Variants in TSPAN8 observed in about 807,000 individuals in gnomAD.
The protein encoded by TSPAN8 is tetraspanin-8.
A neutral mutation model predicts 32.8 loss-of-function variants in TSPAN8; 21 were observed. That is an observed-to-expected ratio of 0.64 (90% CI 0.45 to 0.92). TSPAN8 has a LOEUF of 0.92. Ranked by LOEUF, TSPAN8 falls within the 40% of genes least tolerant of loss-of-function variation. TSPAN8 has a pLI of 0.00. For missense variants in TSPAN8, 269 were observed against 281.9 expected (o/e 0.95, Z 0.33); for synonymous variants, 95 against 94.6 (o/e 1.00, Z -0.03).
intron 2 of TSPAN8, among the ~76,000 whole-genome samples, chr12:71,151,965 T>C (rs1469050669): frequency 1.3e-5 from 2 of 152,222 alleles, no homozygotes; most frequent in African/African-American, 4.8e-5. Context: ...TATTTACCAT[T>C]TGAAAGCCCA....
chr12:71,157,498 A>C, intron 2 of TSPAN8, 121 bp downstream of exon 2: 1 of 690,006 alleles, frequency 1.4e-6, no homozygotes, highest in South Asian at 2.2e-5. Context: ...AAACAAGTAC[A>C]TGGAAAATAC....
chr12:71,156,257 A>AAAAAAAAAAAAAAAAT, intron 2 of TSPAN8, among the ~76,000 whole-genome samples: 1 of 104,364 alleles, frequency 9.6e-6, no homozygotes, highest in Non-Finnish European at 2.0e-5. Context: ...CTCCAAAAAA[A>AAAAAAAAAAAAAAAAT]AAAAAAAAAA....
intron 2 of TSPAN8, among the ~76,000 whole-genome samples, chr12:71,155,555 C>G (rs1872398961): frequency 6.6e-6 from 1 of 152,100 alleles, no homozygotes; most frequent in South Asian, 2.1e-4. Context: ...ATTAACCAAC[C>G]ACACAGTGTG....
intron 6 of TSPAN8, among the ~76,000 whole-genome samples, chr12:71,135,834 C>T (rs1227656827): frequency 6.6e-6 from 1 of 152,086 alleles, no homozygotes; most frequent in Non-Finnish European, 1.5e-5. Flanking sequence ...GATGCTCAGC[C>T]CCACCCAGCA....
chr12:71,140,475 T>C (rs1871867422), intron 3 of TSPAN8, among the ~76,000 whole-genome samples: 1 of 152,196 alleles, frequency 6.6e-6, no homozygotes, highest in Non-Finnish European at 1.5e-5. Context: ...ATGCTTTGTA[T>C]CCTCATTAAA....
chr12:71,137,049 T>A (rs550622610), intron 6 of TSPAN8, among the ~76,000 whole-genome samples: 47 of 152,180 alleles, frequency 3.1e-4, no homozygotes, highest in Admixed American at 2.5e-3. Flanking sequence ...GGCAGGAGGA[T>A]CACTTGAGGT....
chr12:71,125,151 C>T lies in TSPAN8; in HGVS notation c.*183G>A. 1 of 500,498 alleles carries T rather than the reference C, an allele frequency of 2.0e-6. No individual in the cohort carries two copies. The allele number at this position is 500,498 out of a possible 1,614,324, so 31.0% of individuals were successfully genotyped here. A position where few individuals can be genotyped will look rare whatever the true frequency, so the allele number is the denominator to read the frequency against. ...AAAATACACATTCATATCATTTTCCCTTATATCCCTCAAATCTTAAATGTG... is the reference window on the plus strand; with the variant it reads ...AAAATACACATTCATATCATTTTCCTTTATATCCCTCAAATCTTAAATGTG... On this transcript the variant is annotated 3_prime_UTR_variant, in exon 9 of 9. Transcript: ENST00000247829.
intron 1 of TSPAN8, 62 bp from the exon 2 acceptor site, chr12:71,157,849 T>TA (rs1047785102): frequency 3.5e-6 from 2 of 576,196 alleles, no homozygotes. Flanking sequence ...TTAAACTGGA[T>TA]AAAAAAATTA....
rs182632226 is a variant in TSPAN8, at chr12:71,157,428, T to G, written c.60+191A>C. The G allele has an allele frequency of 2.7e-4, 140 of 509,550 alleles. 3 individuals carry two copies. Among genetic ancestry groups the G allele is most frequent in the Non-Finnish European group, 9.5e-5 (27 of 285,662 alleles). The allele number at this position is 509,550 out of a possible 1,614,324, so 31.6% of individuals were successfully genotyped here. On this transcript the variant is annotated intron_variant, in intron 2 of 8. Transcript: ENST00000247829. ...TATCCTCACATTCTGAAGTGCACTT[T>G]TTTGAGTCCTTGGCTCATTTTCAAT... is the stretch of plus-strand genomic sequence containing the variant.
intron 6 of TSPAN8, among the ~76,000 whole-genome samples, chr12:71,134,543 G>A (rs1592401184): frequency 6.6e-6 from 1 of 152,222 alleles, no homozygotes; most frequent in South Asian, 2.1e-4. Flanking sequence ...ATGACAAAGA[G>A]CTGGAAATTT....
At position 71,138,249 on chromosome 12, in the gene TSPAN8, A is replaced by G. The variant is rs767217955; in HGVS notation, c.262-19T>C. ...TGAAAAACTGAAGAAGAGAAAAAGA[A>G]ATATACATTATCCTCAGTGCATTCA... On this transcript the variant is annotated intron_variant, in intron 4 of 8. Transcript: ENST00000247829. The G allele has an allele frequency of 1.9e-6, 3 of 1,611,390 alleles. No individual in the cohort carries two copies. In the Admixed American group the frequency reaches 5.0e-5, roughly 27 times the overall value.
At chr12:71,139,622 A>G in intron 4 of TSPAN8, 89 bp downstream of exon 4, 2 of 1,478,836 alleles carry the variant, frequency 1.4e-6, no homozygotes, top group Non-Finnish European at 1.8e-6. Flanking sequence ...TTCATCAATC[A>G]TGGCACGTTC....
At chr12:71,129,468 A>G (rs978025077) in intron 7 of TSPAN8, 54 bp from the exon 8 acceptor site, 4 of 1,454,774 alleles carry the variant, frequency 2.7e-6, no homozygotes, top group Non-Finnish European at 3.7e-6. Context: ...TCGACCTTAT[A>G]TTAATCAAAA....
intron 2 of TSPAN8, among the ~76,000 whole-genome samples, chr12:71,149,365 G>A (rs906836006): frequency 7.1e-6 from 1 of 140,390 alleles, no homozygotes. Context: ...CAAAACTCTT[G>A]TCTCAAAAAA....
chr12:71,144,009 T>G (rs1194853977), intron 3 of TSPAN8, 142 bp downstream of exon 3: 2 of 652,544 alleles, frequency 3.1e-6, no homozygotes, highest in Non-Finnish European at 5.0e-6. Flanking sequence ...AATTATAAAA[T>G]CACATAACAG....
At chr12:71,128,792 G>T (rs1323812169) in intron 8 of TSPAN8, among the ~76,000 whole-genome samples, 1 of 151,990 alleles carries the variant, frequency 6.6e-6, no homozygotes, top group Non-Finnish European at 1.5e-5. Context: ...TGAGTCAATA[G>T]TACTTAAGCT....
At chr12:71,126,522 A>G (rs1360753393) in intron 8 of TSPAN8, among the ~76,000 whole-genome samples, 1 of 152,154 alleles carries the variant, frequency 6.6e-6, no homozygotes, top group East Asian at 1.9e-4. Flanking sequence ...TTAATATCAC[A>G]CTTTCTTGTA....
intron 2 of TSPAN8, among the ~76,000 whole-genome samples, chr12:71,156,268 AC>A (rs370422495): frequency 0.043 from 2,337 of 54,842 alleles, 288 homozygotes; most frequent in East Asian, 0.11. Flanking sequence ...AAAAAAAAAA[AC>A]AAACAAAAAA....
chr12:71,152,144 G>T (rs975494993), intron 2 of TSPAN8, among the ~76,000 whole-genome samples: 1 of 152,136 alleles, frequency 6.6e-6, no homozygotes, highest in African/African-American at 2.4e-5. Context: ...ATCCTGCCAG[G>T]TAAAGTGATC....
Sources: gnomAD v4.1 joint callset for allele counts (sites outside exome capture counted in the v4.1 genomes callset) on GRCh38, gnomAD v4.1.1 for gene constraint, MANE v1.5 for transcripts, NCBI Gene and HGNC (gene_info 2026-07-23, HGNC 2026-07-21) for gene names.